CNTN4: variants seen among roughly 807,000 people sequenced by gnomAD.
CNTN4 encodes the protein contactin-4.
A neutral mutation model predicts 122.5 loss-of-function variants in CNTN4; 77 were observed. The ratio of observed to expected loss-of-function variants is 0.63; its 90% CI spans 0.52 to 0.76. The LOEUF is 0.76. Among genes scored for constraint, CNTN4 ranks in the 30% least tolerant of loss-of-function variants. The pLI, the probability that CNTN4 is intolerant of heterozygous loss-of-function variation, is 0.00. For synonymous variants in CNTN4, 512 were observed against 447.0 expected, an observed-to-expected ratio of 1.15 and a Z score of -1.83; for missense variants, 1,256 against 1,259.1, an observed-to-expected ratio of 1.00 and a Z score of 0.04.
intron 4 of CNTN4, among the ~76,000 whole-genome samples, chr3:2,729,360 T>C (rs7644899): frequency 0.82 from 123,259 of 150,034 alleles, 51,633 homozygotes; most frequent in South Asian, 0.95. Context: ...GTCAGGAGAT[T>C]GAGACCATCC....
intron 6 of CNTN4, among the ~76,000 whole-genome samples, chr3:2,798,320 T>C (rs1033904756): frequency 1.7e-4 from 22 of 133,282 alleles, no homozygotes; most frequent in African/African-American, 5.6e-4. Flanking sequence ...TATATATTTA[T>C]GTTTATATAG....
intron 7 of CNTN4, among the ~76,000 whole-genome samples, chr3:2,844,881 C>G (rs2093428283): frequency 6.6e-6 from 1 of 152,182 alleles, no homozygotes; most frequent in African/African-American, 2.4e-5. Context: ...TGCATAATGA[C>G]TGTTGCCTGT....
chr3:2,967,497 T>C (rs1692437589), intron 13 of CNTN4, among the ~76,000 whole-genome samples: 1 of 152,126 alleles, frequency 6.6e-6, no homozygotes, highest in African/African-American at 2.4e-5. Context: ...GGGTTTCTTA[T>C]GGGAAAGGGC....
chr3:2,628,899 A>G (rs1278844212), intron 4 of CNTN4, among the ~76,000 whole-genome samples: 1 of 152,202 alleles, frequency 6.6e-6, no homozygotes, highest in East Asian at 1.9e-4. Context: ...CTCATGATAT[A>G]ATTTGTCTGA....
intron 4 of CNTN4, among the ~76,000 whole-genome samples, chr3:2,606,094 G>A (rs542197386): frequency 7.9e-5 from 12 of 152,180 alleles, no homozygotes; most frequent in African/African-American, 2.4e-4. Flanking sequence ...CTAAGGCTTG[G>A]GTAATAGGGG....
intron 7 of CNTN4, among the ~76,000 whole-genome samples, chr3:2,834,465 C>T (rs555239652): frequency 7.9e-5 from 12 of 151,892 alleles, no homozygotes; most frequent in Non-Finnish European, 1.5e-4. Context: ...ACTTGGGAGG[C>T]TTGAGGCAGG....
chr3:2,476,297 A>G (rs999118801), intron 3 of CNTN4, among the ~76,000 whole-genome samples: 1 of 152,166 alleles, frequency 6.6e-6, no homozygotes, highest in African/African-American at 2.4e-5. Flanking sequence ...AGCCAATGTC[A>G]GTTAAGATTT....
At chr3:2,248,579 T>C (rs2040242292) in intron 2 of CNTN4, among the ~76,000 whole-genome samples, 1 of 152,026 alleles carries the variant, frequency 6.6e-6, no homozygotes, top group Non-Finnish European at 1.5e-5. Flanking sequence ...ATAACATTTG[T>C]ATCCATTGGG....
chr3:2,204,795 G>A (rs1273511768), intron 2 of CNTN4, among the ~76,000 whole-genome samples: 2 of 152,108 alleles, frequency 1.3e-5, no homozygotes, highest in East Asian at 3.9e-4. Context: ...CAGCATGTCA[G>A]CTCCTGAAGA....
At chr3:2,393,919 C>T (rs915934679) in intron 3 of CNTN4, among the ~76,000 whole-genome samples, 1 of 152,062 alleles carries the variant, frequency 6.6e-6, no homozygotes. Flanking sequence ...TATCAATTAT[C>T]TGTTTTAATC....
intron 2 of CNTN4, among the ~76,000 whole-genome samples, chr3:2,328,145 G>A (rs1371753580): frequency 7.9e-5 from 12 of 152,236 alleles, no homozygotes; most frequent in African/African-American, 2.4e-4. Context: ...TTGGCCGGGC[G>A]TGGTAATCCC....
At chr3:2,361,567 CCA>C (rs2045142207) in intron 3 of CNTN4, among the ~76,000 whole-genome samples, 1 of 152,084 alleles carries the variant, frequency 6.6e-6, no homozygotes, top group Non-Finnish European at 1.5e-5. Context: ...TACATTCAGC[CCA>C]CACTAAAAAG....
In CNTN4 at chr3:2,966,117, A is replaced by G. The variant is rs530349767; in HGVS notation, c.1359-22228A>G. ...GTGAGCACTACTAGCCATTGAATGA[A>G]TGGGAGATGAAAAGAAGGAGAGATG... On this transcript the variant is annotated intron_variant, in intron 13 of 24. Transcript: ENST00000418658. 3.1e-3 allele frequency among the ~76,000 whole-genome samples: 469 copies of G among 152,312 alleles called. 3 individuals are homozygous for G. The highest frequency in any genetic ancestry group is 0.012 in the East Asian group (63 of 5,180).
In CNTN4 at chr3:2,212,660, C is replaced by G. The variant is rs1159962449; in HGVS notation, c.-145+112021C>G. ...GGTGAGATTTGGATAGGGACACAGC[C>G]AAACCGTATCAGCTACCTACCAATT... On this transcript the variant is annotated intron_variant, in intron 2 of 24. Transcript: ENST00000418658. Among the ~76,000 whole-genome samples, 4 of 152,286 alleles carry G rather than the reference C, an allele frequency of 2.6e-5. No individual in the cohort carries two copies. The South Asian group carries it at 6.2e-4, about 24-fold the overall frequency.
chr3:2,535,778 C>CT (rs2077779535), intron 3 of CNTN4, among the ~76,000 whole-genome samples: 1 of 152,084 alleles, frequency 6.6e-6, no homozygotes, highest in African/African-American at 2.4e-5. Context: ...AAGAGAAAAC[C>CT]TTTTTTTGTC....
rs957853120 is a variant in CNTN4 at position 3,037,216 on chromosome 3, C to T, written c.1980C>T (p.Thr660=). The change falls in exon 18 of 25, where the codon ACC becomes ACT. Residue 660 remains threonine, a synonymous_variant. Coordinates refer to ENST00000418658, the MANE Select transcript of CNTN4 (RefSeq NM_175607.3). ...TTGATGGGAAGACATTCACAGCGACCGTGGTGGGTTTGAACCCTTGGGTTG... is the reference window on the plus strand; with the variant it reads ...TTGATGGGAAGACATTCACAGCGACTGTGGTGGGTTTGAACCCTTGGGTTG... ...ELIDGKTFTA[T]VVGLNPWVEY... is the part of the protein sequence containing the mutation. 18 of 1,614,164 alleles carry T rather than the reference C, an allele frequency of 1.1e-5. No individual in the cohort carries two copies. Among genetic ancestry groups the T allele is most frequent in the East Asian group, 4.5e-5 (2 of 44,888 alleles).
chr3:2,831,048 AT>A (rs1241339312), intron 7 of CNTN4, among the ~76,000 whole-genome samples: 2 of 152,278 alleles, frequency 1.3e-5, no homozygotes, highest in African/African-American at 4.8e-5. Flanking sequence ...TTTCTGATAT[AT>A]TTTTTAACAT....
At chr3:2,592,912 C>G (rs2080568777) in intron 4 of CNTN4, among the ~76,000 whole-genome samples, 1 of 152,106 alleles carries the variant, frequency 6.6e-6, no homozygotes. Context: ...AACCTTTGTG[C>G]ACATTTATTT....
At chr3:2,443,074 A>C (rs952298128) in intron 3 of CNTN4, among the ~76,000 whole-genome samples, 2 of 152,086 alleles carry the variant, frequency 1.3e-5, no homozygotes, top group Non-Finnish European at 2.9e-5. Context: ...AGTAATGTAT[A>C]CAACAAACGC....
Sources: gnomAD v4.1 joint callset for allele counts (sites outside exome capture counted in the v4.1 genomes callset) on GRCh38, gnomAD v4.1.1 for gene constraint, MANE v1.5 for transcripts, NCBI Gene and HGNC (gene_info 2026-07-23, HGNC 2026-07-21) for gene names.